The following TFR2 variants were observed in gnomAD, a reference collection of about 807,000 sequenced individuals.
TFR2 encodes the protein transferrin receptor 2.
A neutral mutation model predicts 91.9 loss-of-function variants in TFR2; 64 were observed. That is an observed-to-expected ratio of 0.70 (90% CI 0.57 to 0.86). The LOEUF is 0.86. Among genes scored for constraint, TFR2 ranks in the 40% least tolerant of loss-of-function variants. TFR2 has a pLI of 0.00. For missense variants in TFR2, 950 were observed against 1,080.5 expected (o/e 0.88, Z 1.69); for synonymous variants, 454 against 459.6 (o/e 0.99, Z 0.15).
At position 100,627,489 on chromosome 7, in the gene TFR2, G is replaced by C. The variant is rs35704760; in HGVS notation, c.1770C>G (p.Asp590Glu). The C allele has an allele frequency of 5.6e-6, 9 of 1,611,492 alleles. No individual in the cohort carries two copies. In the African/African-American group the frequency reaches 1.1e-4, roughly 19 times the overall value. Residue 590 changes from aspartate to glutamate, a missense_variant and splice_region_variant, in exon 16 of 18, where the codon GAC becomes GAG. By Grantham distance (45) the Asp-to-Glu change is conservative. Coordinates refer to ENST00000223051, the MANE Select transcript of TFR2 (RefSeq NM_003227.4). ...VPAVEFSFMEDDQAYPFLHTK... is the reference protein window; with the variant it reads ...VPAVEFSFMEEDQAYPFLHTK... ...TGTGCAGGAATGGGTAGGCCTGGTCGTCCTGCCAGGACAGGGTGGACGCTG... is the reference window on the plus strand; with the variant it reads ...TGTGCAGGAATGGGTAGGCCTGGTCCTCCTGCCAGGACAGGGTGGACGCTG...
At chr7:100,633,807 C>CT (rs1803520266) in intron 3 of TFR2, among the ~76,000 whole-genome samples, 1 of 143,022 alleles carries the variant, frequency 7.0e-6, no homozygotes, top group Non-Finnish European at 1.5e-5. Flanking sequence ...CTTCCTGGTT[C>CT]AAGCCATTTT....
At chr7:100,629,835 T>A (rs1803379275) in intron 9 of TFR2, among the ~76,000 whole-genome samples, 1 of 152,202 alleles carries the variant, frequency 6.6e-6, no homozygotes, top group South Asian at 2.1e-4. Flanking sequence ...AAGCTCCACC[T>A]CCCGGGTTCA....
chr7:100,630,868 G>T, intron 9 of TFR2, 21 bp downstream of exon 9: 1 of 1,612,092 alleles, frequency 6.2e-7, no homozygotes, highest in South Asian at 1.1e-5. Flanking sequence ...AGCTGTGAGT[G>T]ATACTGGACA....
At chr7:100,621,715 C>T (rs1355766890) in intron 17 of TFR2, among the ~76,000 whole-genome samples, 1 of 152,200 alleles carries the variant, frequency 6.6e-6, no homozygotes, top group Non-Finnish European at 1.5e-5. Flanking sequence ...TCCACCCCCA[C>T]CAATGTCCAC....
At chr7:100,625,316 C>T (rs539895562) in intron 17 of TFR2, among the ~76,000 whole-genome samples, 192 of 152,248 alleles carry the variant, frequency 1.3e-3, no homozygotes, top group South Asian at 2.7e-3. Flanking sequence ...ACCTCAGCCT[C>T]CCAAAGTGCT....
At chr7:100,623,137 G>A (rs569151807) in intron 17 of TFR2, among the ~76,000 whole-genome samples, 7 of 151,982 alleles carry the variant, frequency 4.6e-5, no homozygotes, top group Non-Finnish European at 8.8e-5. Context: ...GCTGGGTGTG[G>A]TGGCACATGC....
rs1460263898 is a variant in TFR2, at chr7:100,620,705, G to A, written c.*152C>T. 2.8e-6 allele frequency: 3 copies of A among 1,063,502 alleles called. No homozygotes were observed. The East Asian group carries it at 7.8e-5, about 28-fold the overall frequency. 65.9% of individuals were successfully genotyped at this position (1,063,502 alleles called of 1,614,324 possible). On this transcript the variant is annotated 3_prime_UTR_variant, in exon 18 of 18. Coordinates refer to ENST00000223051, the MANE Select transcript of TFR2 (RefSeq NM_003227.4). ...GGGGTGTGTGGATATCTGTGCTGGG[G>A]TCTGGGCTCCGTGGAGAGATGTGTA...
intron 6 of TFR2, chr7:100,632,738 CTTTTT>C (rs35046097): frequency 4.1e-4 from 76 of 184,708 alleles, no homozygotes; most frequent in Middle Eastern, 2.4e-3. Flanking sequence ...AAAAAAGAAC[CTTTTT>C]TTTTTTTTTT....
intron 17 of TFR2, among the ~76,000 whole-genome samples, chr7:100,625,112 T>A (rs1053411873): frequency 6.8e-6 from 1 of 146,640 alleles, no homozygotes; most frequent in African/African-American, 2.5e-5. Flanking sequence ...CAGGCTGGAG[T>A]GCAATGGCGT....
intron 13 of TFR2, 25 bp downstream of exon 13, chr7:100,627,881 AC>A (rs1803312929): frequency 6.2e-7 from 1 of 1,613,364 alleles, no homozygotes; most frequent in South Asian, 1.1e-5. Context: ...ACTCCCCTTC[AC>A]CCCCTATTCC....
chr7:100,623,517 C>A (rs1305528402), intron 17 of TFR2, among the ~76,000 whole-genome samples: 1 of 152,130 alleles, frequency 6.6e-6, no homozygotes, highest in African/African-American at 2.4e-5. Context: ...GTGGCTCCTG[C>A]CTGTAATCCC....
At position 100,632,185 on chromosome 7, in the gene TFR2, T is replaced by G; in HGVS notation, c.863A>C (p.Gln288Pro). ...ISFAQKVTNAQDFGAQGVLIY... is the reference protein window; with the variant it reads ...ISFAQKVTNAPDFGAQGVLIY... ...GAGCACTCCTTGAGCCCCGAAGTCC[T>G]GAGCATTGGTCACCTGGGGAGGAAG... The change falls in exon 7 of 18, where the codon CAG (glutamine) becomes CCG (proline). Residue 288 changes from glutamine to proline, a missense_variant. Transcript: ENST00000223051. The G allele has an allele frequency of 6.2e-7, 1 of 1,614,014 alleles. No homozygotes were observed. The highest frequency in any genetic ancestry group is 2.2e-5 in the East Asian group (1 of 44,862).
At chr7:100,621,435 G>A (rs1249804058) in intron 17 of TFR2, among the ~76,000 whole-genome samples, 1 of 152,112 alleles carries the variant, frequency 6.6e-6, no homozygotes. Flanking sequence ...TGTATTTTGA[G>A]TAGAGACGGG....
In TFR2 at chr7:100,629,339, G is replaced by A; in HGVS notation, c.1304C>T (p.Ala435Val). The A allele has an allele frequency of 6.2e-7, 1 of 1,614,058 alleles. No individual in the cohort carries two copies. The highest frequency in any genetic ancestry group is 8.5e-7 in the Non-Finnish European group (1 of 1,179,926). ...HYVVIGAQRD[A>V]WGPGAAKSAV... ...GGATTTAGCTGCTCCTGGGCCCCAT[G>A]CATCCCTCTGGGCCCCGATGACAAC... Residue 435 changes from alanine (A) to valine (V), a missense_variant, in exon 10 of 18, where the codon GCA becomes GTA. By Grantham distance (64) the Ala-to-Val change is moderately conservative. Transcript: ENST00000223051.
Position 100,633,339 on chromosome 7 carries a change from C to A in TFR2, c.616G>T (p.Ala206Ser). The change falls in exon 5 of 18, where the codon GCT (alanine) becomes TCT (serine). Residue 206 changes from alanine to serine, a missense_variant and splice_region_variant. Physicochemically the swap from Ala to Ser is moderately conservative, Grantham distance 99 (BLOSUM62 1). Coordinates refer to ENST00000223051, the MANE Select transcript of TFR2 (RefSeq NM_003227.4). ...ACCCAGTGCAGGGTGTTGGGGTGAG[C>A]CCTGGGGAGCGGGGCTGGTGAGCGC... ...HYVGLQFPDP[A>S]HPNTLHWVDE... The A allele has an allele frequency of 6.8e-6, 11 of 1,612,618 alleles. No homozygotes were observed. The highest frequency in any genetic ancestry group is 9.3e-6 in the Non-Finnish European group (11 of 1,179,434).
intron 17 of TFR2, among the ~76,000 whole-genome samples, chr7:100,623,679 AG>A (rs1259432666): frequency 6.6e-6 from 1 of 152,056 alleles, no homozygotes. Context: ...GCTACTCAGG[AG>A]GCCAAGGTGG....
In TFR2 at chr7:100,637,409, A is replaced by AG. The variant is rs398086011; in HGVS notation, c.473+3276_473+3277insC. Reference sequence around the variant, plus strand: ...AGTGAAACTCTGTCTCACAAAAAAAAAGAAAAAAACAAAAAACAAACAAAA... The same window carrying AG: ...AGTGAAACTCTGTCTCACAAAAAAAAGAGAAAAAAACAAAAAACAAACAAAA... On this transcript the variant is annotated intron_variant, in intron 3 of 17. Coordinates refer to ENST00000223051, the MANE Select transcript of TFR2 (RefSeq NM_003227.4). 2.0e-5 allele frequency among the ~76,000 whole-genome samples: 3 copies of AG among 151,144 alleles called. No individual in the cohort carries two copies. The East Asian group carries it at 5.8e-4, about 29-fold the overall frequency.
At chr7:100,640,346 C>G (rs1330524716) in intron 3 of TFR2, 1 of 324,240 alleles carries the variant, frequency 3.1e-6, no homozygotes, top group East Asian at 6.2e-5. Flanking sequence ...CAGAACCCCT[C>G]AGCGCTCCCT....
chr7:100,629,856 C>T (rs975818384), intron 9 of TFR2, among the ~76,000 whole-genome samples: 2 of 152,196 alleles, frequency 1.3e-5, no homozygotes, highest in Non-Finnish European at 2.9e-5. Context: ...CGCCATTCTC[C>T]TGCCTCAGCC....
Sources: allele counts gnomAD v4.1 joint callset (sites outside exome capture counted in the v4.1 genomes callset), GRCh38; gene constraint gnomAD v4.1.1; transcripts MANE v1.5; gene names NCBI Gene and HGNC (gene_info 2026-07-23, HGNC 2026-07-21).